Variants in GALNT13 observed in about 807,000 individuals in gnomAD.
GALNT13 encodes the protein polypeptide N-acetylgalactosaminyltransferase 13, also known as UDP-GalNAc:polypeptide N-acetylgalactosaminyltransferase 13.
In GALNT13, 28 loss-of-function variants were observed where a neutral mutation model predicts 64.2. The ratio of observed to expected loss-of-function variants is 0.44; its 90% CI spans 0.32 to 0.60. GALNT13 has a LOEUF of 0.60. Among genes scored for constraint, GALNT13 ranks in the 20% least tolerant of loss-of-function variants. The pLI is 0.05. For missense variants in GALNT13, 577 were observed against 669.8 expected, an observed-to-expected ratio of 0.86 and a Z score of 1.53; for synonymous variants, 214 against 224.6, an observed-to-expected ratio of 0.95 and a Z score of 0.42.
the GALNT13 span, among the ~76,000 whole-genome samples, chr2:153,464,637 C>T: frequency 6.6e-6 from 1 of 151,970 alleles, no homozygotes; most frequent in African/African-American, 2.4e-5. Flanking sequence ...ATCAAGATGA[C>T]AATGCTGATT....
chr2:153,484,590 A>G, the GALNT13 span, among the ~76,000 whole-genome samples: 1 of 152,188 alleles, frequency 6.6e-6, no homozygotes, highest in Admixed American at 6.5e-5. Context: ...AAGCATGCAA[A>G]CACCCATTTT....
At chr2:153,076,222 C>A in the GALNT13 span, among the ~76,000 whole-genome samples, 1 of 152,150 alleles carries the variant, frequency 6.6e-6, no homozygotes, top group African/African-American at 2.4e-5. Flanking sequence ...TGCATTGCTA[C>A]TAGCAATAAG....
At chr2:153,121,892 C>G in the GALNT13 span, among the ~76,000 whole-genome samples, 1 of 152,112 alleles carries the variant, frequency 6.6e-6, no homozygotes, top group Non-Finnish European at 1.5e-5. Context: ...ATTATCTTAA[C>G]CACTATCTTA....
the GALNT13 span, among the ~76,000 whole-genome samples, chr2:153,346,934 G>T: frequency 6.6e-6 from 1 of 152,136 alleles, no homozygotes; most frequent in Non-Finnish European, 1.5e-5. Context: ...TACCAATAGG[G>T]CTGGCTACAT....
chr2:154,150,278 C>T (rs1683907551), intron 4 of GALNT13, among the ~76,000 whole-genome samples: 1 of 151,990 alleles, frequency 6.6e-6, no homozygotes. Flanking sequence ...GGGATGAAGC[C>T]CACTTGATCA....
chr2:154,287,758 C>G (rs1197370187), intron 8 of GALNT13, among the ~76,000 whole-genome samples: 1 of 151,950 alleles, frequency 6.6e-6, no homozygotes, highest in Non-Finnish European at 1.5e-5. Flanking sequence ...AATTCTATGT[C>G]TCCATTTCAT....
At chr2:153,555,190 C>CT in the GALNT13 span, among the ~76,000 whole-genome samples, 2,223 of 105,162 alleles carry the variant, frequency 0.021, 190 homozygotes, top group African/African-American at 0.051. Context: ...AGAAGCTTTA[C>CT]TTTTTTTTTT....
intron 4 of GALNT13, among the ~76,000 whole-genome samples, chr2:154,149,624 C>T (rs546922339): frequency 6.6e-6 from 1 of 152,162 alleles, no homozygotes; most frequent in South Asian, 2.1e-4. Context: ...TTATGGTTCT[C>T]CTTGAAGAGG....
At chr2:153,096,499 T>C in the GALNT13 span, among the ~76,000 whole-genome samples, 2 of 152,196 alleles carry the variant, frequency 1.3e-5, no homozygotes, top group Admixed American at 1.3e-4. Context: ...TTGGAGTCTA[T>C]TTCTCTCTTT....
chr2:153,354,675 T>C, the GALNT13 span, among the ~76,000 whole-genome samples: 1 of 152,186 alleles, frequency 6.6e-6, no homozygotes, highest in Non-Finnish European at 1.5e-5. Flanking sequence ...ACCATCTCCC[T>C]GCCCCAGGAA....
chr2:153,928,697 C>A (rs904683926), intron 2 of GALNT13, among the ~76,000 whole-genome samples: 1 of 151,898 alleles, frequency 6.6e-6, no homozygotes, highest in Non-Finnish European at 1.5e-5. Flanking sequence ...CCATATATTC[C>A]TTTTTAAAAG....
the GALNT13 span, among the ~76,000 whole-genome samples, chr2:153,089,657 T>A: frequency 1.3e-5 from 2 of 152,044 alleles, no homozygotes; most frequent in East Asian, 1.9e-4. Context: ...TATTGGAGGC[T>A]TTTTTTAATT....
At chr2:154,246,238 A>AT (rs1239830695) in intron 7 of GALNT13, among the ~76,000 whole-genome samples, 1 of 152,118 alleles carries the variant, frequency 6.6e-6, no homozygotes, top group Non-Finnish European at 1.5e-5. Context: ...TTCAAAATAT[A>AT]TTTACTGTGA....
chr2:153,129,397 T>G, the GALNT13 span, among the ~76,000 whole-genome samples: 4 of 152,148 alleles, frequency 2.6e-5, no homozygotes, highest in Admixed American at 2.0e-4. Flanking sequence ...TCATTACTTT[T>G]TACAGATTCA....
intron 4 of GALNT13, among the ~76,000 whole-genome samples, chr2:154,222,127 C>T (rs936778883): frequency 1.3e-5 from 2 of 151,934 alleles, no homozygotes; most frequent in African/African-American, 2.4e-5. Context: ...CCATTTCTGC[C>T]TGCTCTTTTT....
chr2:153,624,067 G>A, the GALNT13 span, among the ~76,000 whole-genome samples: 1 of 151,966 alleles, frequency 6.6e-6, no homozygotes. Context: ...GAGTGGGTGA[G>A]GGAGTTGGTT....
the GALNT13 span, among the ~76,000 whole-genome samples, chr2:153,497,522 A>ATTTTTTTTTTTTTTTTTTTTTT: frequency 2.7e-5 from 1 of 36,896 alleles, no homozygotes; most frequent in Non-Finnish European, 4.8e-5. Flanking sequence ...TTTCTCCCGC[A>ATTTTTTTTTTTTTTTTTTTTTT]TTTTTTTTTT....
At chr2:154,353,381 C>T (rs891179411) in intron 9 of GALNT13, among the ~76,000 whole-genome samples, 1 of 152,150 alleles carries the variant, frequency 6.6e-6, no homozygotes, top group Non-Finnish European at 1.5e-5. Flanking sequence ...TACAGTGAAG[C>T]AGACTAACAT....
At chr2:153,425,700 G>T in the GALNT13 span, among the ~76,000 whole-genome samples, 2 of 151,712 alleles carry the variant, frequency 1.3e-5, no homozygotes, top group Non-Finnish European at 3.0e-5. Flanking sequence ...CATGTAAAAA[G>T]TAAATAGTTA....
Sources: allele counts gnomAD v4.1 joint callset (sites outside exome capture counted in the v4.1 genomes callset), GRCh38; gene constraint gnomAD v4.1.1; transcripts MANE v1.5; gene names NCBI Gene and HGNC (gene_info 2026-07-23, HGNC 2026-07-21).